Variants in ZNF407 observed in about 807,000 individuals in gnomAD.
ZNF407 encodes the protein zinc finger protein 407.
ZNF407 carries 17 observed loss-of-function variants against 131.2 expected under a neutral mutation model. The ratio of observed to expected loss-of-function variants is 0.13; its 90% CI spans 0.09 to 0.19. The LOEUF is 0.19. Among genes scored for constraint, ZNF407 ranks in the 10% least tolerant of loss-of-function variants. The probability of loss-of-function intolerance (pLI) is 1.00; values close to 1 mark genes in which losing one functional copy is unlikely to be tolerated. For missense variants in ZNF407, 2,681 were observed against 2,830.6 expected (o/e 0.95, Z 1.20); for synonymous variants, 1,156 against 1,062.0 (o/e 1.09, Z -1.72).
At chr18:74,702,804 G>T (rs1214326452) in intron 3 of ZNF407, among the ~76,000 whole-genome samples, 1 of 152,034 alleles carries the variant, frequency 6.6e-6, no homozygotes, top group African/African-American at 2.4e-5. Flanking sequence ...CATGTACATG[G>T]GTATATTACA....
intron 8 of ZNF407, among the ~76,000 whole-genome samples, chr18:74,978,898 T>C (rs929957351): frequency 1.2e-4 from 19 of 152,016 alleles, no homozygotes; most frequent in African/African-American, 2.7e-4. Flanking sequence ...AGGATGACAA[T>C]GTGCAGGGAG....
intron 7 of ZNF407, among the ~76,000 whole-genome samples, chr18:74,893,515 TTC>T (rs929220600): frequency 7.2e-5 from 11 of 152,250 alleles, no homozygotes; most frequent in African/African-American, 2.6e-4. Context: ...AGTGAGAGAC[TTC>T]GAATGAAATA....
At chr18:74,893,961 T>G (rs1047126268) in intron 7 of ZNF407, among the ~76,000 whole-genome samples, 14 of 152,160 alleles carry the variant, frequency 9.2e-5, no homozygotes, top group Non-Finnish European at 2.9e-5. Context: ...TTATTTAAGT[T>G]TCATTTGAAA....
chr18:74,910,248 C>T (rs1444283586), intron 7 of ZNF407, among the ~76,000 whole-genome samples: 1 of 152,100 alleles, frequency 6.6e-6, no homozygotes, highest in Non-Finnish European at 1.5e-5. Context: ...AGTTTATAAA[C>T]ATGAGTTGTA....
At chr18:74,824,372 T>C (rs1427705940) in intron 4 of ZNF407, among the ~76,000 whole-genome samples, 3 of 151,916 alleles carry the variant, frequency 2.0e-5, no homozygotes, top group Non-Finnish European at 4.4e-5. Context: ...CAGAGCCAAA[T>C]TGAAGGAGAT....
chr18:74,743,316 G>A (rs751580773), intron 3 of ZNF407, among the ~76,000 whole-genome samples: 50 of 152,042 alleles, frequency 3.3e-4, no homozygotes, highest in Non-Finnish European at 6.9e-4. Flanking sequence ...ACTGAACTCG[G>A]AAGGGGATTG....
chr18:74,917,717 T>A (rs1416927744), intron 7 of ZNF407, among the ~76,000 whole-genome samples: 3 of 152,244 alleles, frequency 2.0e-5, no homozygotes, highest in Non-Finnish European at 4.4e-5. Flanking sequence ...TAGGATTCAT[T>A]GCTTATATTA....
intron 4 of ZNF407, chr18:74,804,031 G>A (rs1457981359): frequency 1.9e-6 from 3 of 1,551,614 alleles, no homozygotes; most frequent in Non-Finnish European, 2.6e-6. Flanking sequence ...CGCGTCGAGT[G>A]CCTCTGAAGC....
chr18:74,810,376 T>C (rs911412426), intron 4 of ZNF407, among the ~76,000 whole-genome samples: 4 of 151,464 alleles, frequency 2.6e-5, no homozygotes, highest in African/African-American at 9.7e-5. Context: ...TTTAAATCAG[T>C]AATCTCACCA....
At chr18:74,838,081 T>G (rs1970582914) in intron 4 of ZNF407, among the ~76,000 whole-genome samples, 1 of 152,366 alleles carries the variant, frequency 6.6e-6, no homozygotes, top group East Asian at 1.9e-4. Context: ...ATATTGGCAG[T>G]TACTTTCGTA....
At chr18:74,706,013 T>G (rs1473169020) in intron 3 of ZNF407, among the ~76,000 whole-genome samples, 6 of 152,330 alleles carry the variant, frequency 3.9e-5, no homozygotes, top group African/African-American at 1.4e-4. Context: ...GAGCCAAGTA[T>G]CTCATTCTAT....
chr18:74,603,544 C>G (rs1362392421), intron 1 of ZNF407, among the ~76,000 whole-genome samples: 4 of 152,224 alleles, frequency 2.6e-5, no homozygotes, highest in Admixed American at 6.5e-5. Context: ...GCCACGTAAT[C>G]AGTACCTGAA....
intron 8 of ZNF407, among the ~76,000 whole-genome samples, chr18:75,010,030 A>G (rs895525229): frequency 2.0e-5 from 3 of 152,198 alleles, no homozygotes; most frequent in Non-Finnish European, 2.9e-5. Flanking sequence ...TAGAAATGCT[A>G]AAAGTCACAA....
chr18:74,606,010 T>C (rs2144609875), intron 1 of ZNF407, among the ~76,000 whole-genome samples: 1 of 152,318 alleles, frequency 6.6e-6, no homozygotes, highest in South Asian at 2.1e-4. Context: ...TGTGAACTTT[T>C]GGAGAGGAAA....
chr18:74,794,205 A>G (rs913417906), intron 4 of ZNF407, among the ~76,000 whole-genome samples: 2 of 152,078 alleles, frequency 1.3e-5, no homozygotes, highest in African/African-American at 4.8e-5. Flanking sequence ...TGCCGCATAC[A>G]TGATGTCAGC....
chr18:74,991,913 C>G (rs552342436), intron 8 of ZNF407, among the ~76,000 whole-genome samples: 2 of 152,324 alleles, frequency 1.3e-5, no homozygotes, highest in East Asian at 3.9e-4. Context: ...TCTACATGAA[C>G]CTTGTAGGTC....
chr18:74,946,152 T>C (rs1972151669), intron 8 of ZNF407, among the ~76,000 whole-genome samples: 1 of 152,242 alleles, frequency 6.6e-6, no homozygotes, highest in African/African-American at 2.4e-5. Context: ...ATGAATTACA[T>C]ATGCAAGAAA....
At position 74,703,029 on chromosome 18, in the gene ZNF407, CTCT is replaced by C. The variant is rs1967537113; in HGVS notation, c.4802+61913_4802+61915del. On this transcript the variant is annotated intron_variant, in intron 3 of 8. Coordinates refer to ENST00000299687, the MANE Select transcript of ZNF407 (RefSeq NM_017757.3). The surrounding 1 kb of genome is among the most constrained non-coding windows in gnomAD (Gnocchi z 4.1). ...GTATAGGTTTCCATAGAATTTGGGG[CTCT>C]TCTTCCAGGAGCATAACTTACACAT... Among the ~76,000 whole-genome samples, 1 of 152,186 alleles carries C rather than the reference CTCT, an allele frequency of 6.6e-6. No homozygotes were observed. The highest frequency in any genetic ancestry group is 1.5e-5 in the Non-Finnish European group (1 of 68,042).
At chr18:74,783,942 C>G (rs1360924011) in intron 4 of ZNF407, among the ~76,000 whole-genome samples, 4 of 152,186 alleles carry the variant, frequency 2.6e-5, no homozygotes, top group Non-Finnish European at 5.9e-5. Flanking sequence ...TGCCAGGACC[C>G]CAGCAGCAGT....
Sources: allele counts gnomAD v4.1 joint callset (sites outside exome capture counted in the v4.1 genomes callset), GRCh38; gene constraint gnomAD v4.1.1; non-coding constraint Gnocchi (gnomAD v3.1); transcripts MANE v1.5; gene names NCBI Gene and HGNC (gene_info 2026-07-23, HGNC 2026-07-21).